RGS6: variants seen among roughly 807,000 people sequenced by gnomAD.
RGS6 encodes regulator of G protein signaling 6, also known as regulator of G-protein signaling 6.
RGS6 carries 30 observed loss-of-function variants against 78.5 expected under a neutral mutation model. The observed-to-expected ratio is 0.38, with a 90% CI of 0.29 to 0.52. The LOEUF (loss-of-function observed/expected upper bound fraction) is 0.52. RGS6 is among the 20% of genes least tolerant of loss of function. RGS6 has a pLI of 0.85. For synonymous variants in RGS6, 206 were observed against 206.0 expected (o/e 1.00, Z 0.00); for missense variants, 495 against 609.7 (o/e 0.81, Z 1.98).
chr14:71,881,337 T>G, the RGS6 span, among the ~76,000 whole-genome samples: 4 of 152,254 alleles, frequency 2.6e-5, no homozygotes, highest in South Asian at 8.3e-4. Flanking sequence ...AAAGGCATGA[T>G]TGGTTGTGAA....
chr14:72,297,797 A>G (rs2065175326), intron 2 of RGS6, among the ~76,000 whole-genome samples: 1 of 151,840 alleles, frequency 6.6e-6, no homozygotes, highest in Admixed American at 6.6e-5. Context: ...TTCTCTCAAC[A>G]GTATTTTGAG....
rs145913032 is a variant in RGS6, at chr14:72,467,384, G to A, written c.459+1562G>A. 9.2e-5 allele frequency among the ~76,000 whole-genome samples: 14 copies of A among 152,126 alleles called. No individual in the cohort carries two copies. The East Asian group carries it at 9.7e-4, about 10-fold the overall frequency. On this transcript the variant is annotated intron_variant, in intron 7 of 17. Transcript: ENST00000553525. ...AACAGCATCTTCAGACCCACCCACC[G>A]CCAAAGCCCTTCCTGCTTTTACTGC...
chr14:72,201,171 G>A (rs975029483), intron 2 of RGS6, among the ~76,000 whole-genome samples: 6 of 152,082 alleles, frequency 3.9e-5, no homozygotes, highest in Non-Finnish European at 7.4e-5. Context: ...ATATGGTCCT[G>A]CTTTTTTAAT....
At chr14:72,453,533 G>A (rs555986394) in intron 3 of RGS6, among the ~76,000 whole-genome samples, 5 of 141,502 alleles carry the variant, frequency 3.5e-5, no homozygotes, top group South Asian at 2.3e-4. Flanking sequence ...GGAGAATGGC[G>A]TGAACCCGGG....
Position 72,518,475 on chromosome 14 carries a change from A to T in RGS6, c.1216A>T (p.Ser406Cys). The T allele has an allele frequency of 6.2e-7, 1 of 1,614,220 alleles. No individual in the cohort carries two copies. The highest frequency in any genetic ancestry group is 8.5e-7 in the Non-Finnish European group (1 of 1,180,032). Residue 406 changes from serine (S) to cysteine (C), a missense_variant, in exon 15 of 18, where the codon AGC (serine) becomes TGC (cysteine). Transcript: ENST00000553525. The stretch of plus-strand genomic sequence containing the variant: ...AAGTGCAATCAACCTGGATTCTCAC[A>T]GCTATGAGATAACCAGTCAAAATGT... ...APSAINLDSH[S>C]YEITSQNVKD... is the part of the protein sequence containing the mutation.
At chr14:71,993,297 A>G (rs1033255795) in intron 2 of RGS6, among the ~76,000 whole-genome samples, 3 of 136,342 alleles carry the variant, frequency 2.2e-5, no homozygotes, top group Non-Finnish European at 3.2e-5. Context: ...TGAACAGCGC[A>G]CACTTTGACA....
intron 3 of RGS6, among the ~76,000 whole-genome samples, chr14:72,361,224 A>G (rs1186041299): frequency 2.0e-5 from 3 of 151,596 alleles, no homozygotes; most frequent in Non-Finnish European, 4.4e-5. Context: ...CCCCATCCAC[A>G]TTTAGCTCTG....
chr14:72,451,543 A>G (rs549073529), intron 3 of RGS6, among the ~76,000 whole-genome samples: 1 of 152,190 alleles, frequency 6.6e-6, no homozygotes, highest in Non-Finnish European at 1.5e-5. Context: ...TTCAATGTGA[A>G]TGAATACTAA....
intron 15 of RGS6, among the ~76,000 whole-genome samples, chr14:72,525,719 C>T (rs779699288): frequency 1.2e-4 from 19 of 152,216 alleles, no homozygotes; most frequent in Non-Finnish European, 2.5e-4. Context: ...GAGGTGGCGG[C>T]ATTGCGTGCC....
rs1359936256 is a variant in RGS6 at position 72,498,147 on chromosome 14, C to T, written c.965+2885C>T. On this transcript the variant is annotated intron_variant, in intron 13 of 17. Transcript: ENST00000553525. Reference sequence around the variant, plus strand: ...TTTTCATTTCCAAGACTTCTTAATACTTCTTGGACTGTTCTTTTCTTAGTA... The same window carrying T: ...TTTTCATTTCCAAGACTTCTTAATATTTCTTGGACTGTTCTTTTCTTAGTA... 7.2e-5 allele frequency among the ~76,000 whole-genome samples: 11 copies of T among 152,122 alleles called. No homozygotes were observed. In the East Asian group the frequency reaches 2.1e-3, roughly 29 times the overall value.
intron 3 of RGS6, among the ~76,000 whole-genome samples, chr14:72,453,615 CAAAAAAAAAA>C (rs60280790): frequency 9.6e-5 from 5 of 52,062 alleles, no homozygotes; most frequent in African/African-American, 1.3e-4. Flanking sequence ...GACTCCGTCT[CAAAAAAAAAA>C]AAAAAAAAAA....
At chr14:72,043,909 C>T (rs2092632691) in intron 2 of RGS6, among the ~76,000 whole-genome samples, 1 of 152,194 alleles carries the variant, frequency 6.6e-6, no homozygotes, top group Non-Finnish European at 1.5e-5. Context: ...CTGCTGCTGT[C>T]ACTGCTGCTG....
At chr14:72,203,479 G>C (rs922298602) in intron 2 of RGS6, among the ~76,000 whole-genome samples, 1 of 152,240 alleles carries the variant, frequency 6.6e-6, no homozygotes, top group African/African-American at 2.4e-5. Flanking sequence ...TACCAAGGCT[G>C]CAGTCATCTC....
chr14:72,309,433 A>G (rs868151652), intron 2 of RGS6, among the ~76,000 whole-genome samples: 4 of 152,204 alleles, frequency 2.6e-5, no homozygotes, highest in African/African-American at 9.7e-5. Context: ...GACTAAGCAG[A>G]TAAGTGAGTG....
At chr14:72,051,593 G>C (rs987625662) in intron 2 of RGS6, among the ~76,000 whole-genome samples, 1 of 152,152 alleles carries the variant, frequency 6.6e-6, no homozygotes, top group African/African-American at 2.4e-5. Context: ...GTTGGGGATG[G>C]GGTGTGTGTG....
chr14:72,146,167 C>A (rs1271558555), intron 2 of RGS6, among the ~76,000 whole-genome samples: 1 of 152,054 alleles, frequency 6.6e-6, no homozygotes, highest in Non-Finnish European at 1.5e-5. Flanking sequence ...TTATAACAAG[C>A]CCAGTCTTAT....
chr14:72,163,215 TAATAAA>T (rs2096877413), intron 2 of RGS6, among the ~76,000 whole-genome samples: 3 of 152,186 alleles, frequency 2.0e-5, no homozygotes, highest in Middle Eastern at 6.8e-3. Flanking sequence ...AATTAAAAAA[TAATAAA>T]AATAAAATAA....
At chr14:72,084,550 C>A (rs1403323376) in intron 2 of RGS6, among the ~76,000 whole-genome samples, 1 of 152,216 alleles carries the variant, frequency 6.6e-6, no homozygotes, top group Non-Finnish European at 1.5e-5. Flanking sequence ...CAGGCACTTA[C>A]AGGTCCTGCA....
At chr14:72,309,643 A>G (rs1338609979) in intron 2 of RGS6, among the ~76,000 whole-genome samples, 1 of 152,236 alleles carries the variant, frequency 6.6e-6, no homozygotes, top group East Asian at 1.9e-4. Flanking sequence ...TTATTAATTC[A>G]TGCATTTGAA....
Sources: allele counts gnomAD v4.1 joint callset (sites outside exome capture counted in the v4.1 genomes callset), GRCh38; gene constraint gnomAD v4.1.1; transcripts MANE v1.5; gene names NCBI Gene and HGNC (gene_info 2026-07-23, HGNC 2026-07-21).